EIF4G2: variants seen among roughly 807,000 people sequenced by gnomAD.
EIF4G2 encodes DAP-5.
A neutral mutation model predicts 117.7 loss-of-function variants in EIF4G2; 8 were observed. The observed-to-expected ratio is 0.07, with a 90% CI of 0.04 to 0.12. The LOEUF (loss-of-function observed/expected upper bound fraction) is 0.12, where lower values mean the gene tolerates loss of function less well. Ranked by LOEUF, EIF4G2 falls within the 10% of genes least tolerant of loss-of-function variation. The pLI, the probability that EIF4G2 is intolerant of heterozygous loss-of-function variation, is 1.00. For missense variants in EIF4G2, 812 were observed against 1,086.2 expected, an observed-to-expected ratio of 0.75 and a Z score of 3.55; for synonymous variants, 413 against 367.8, an observed-to-expected ratio of 1.12 and a Z score of -1.41.
Position 10,803,083 on chromosome 11 carries a change from A to G in EIF4G2, c.943T>C (p.Phe315Leu). ...ATCGTCTTTGGTCCATTGTCAAGAAAAGCCTTGCGAGGAACCCAATGGTGT... is the reference window on the plus strand; with the variant it reads ...ATCGTCTTTGGTCCATTGTCAAGAAGAGCCTTGCGAGGAACCCAATGGTGT... The change falls in exon 11 of 22, where the codon TTT becomes CTT. Residue 315 changes from phenylalanine (F) to leucine (L), a missense_variant. Physicochemically the swap from Phe to Leu is conservative, Grantham distance 22. This residue lies in a region of EIF4G2 where 154 missense variants were observed against 322.1 expected (regional missense o/e 0.48). Coordinates refer to ENST00000339995, the MANE Select transcript of EIF4G2 (RefSeq NM_001418.4). This position sits in a 1 kb window ranked among gnomAD's most constrained non-coding sequence, Gnocchi z 4.0. The G allele has an allele frequency of 6.2e-7, 1 of 1,611,088 alleles. No individual in the cohort carries two copies. Among genetic ancestry groups the G allele is most frequent in the Non-Finnish European group, 8.5e-7 (1 of 1,178,454 alleles).
chr11:10,806,795 C>T, intron 3 of EIF4G2, 25 bp downstream of exon 3: 1 of 1,611,622 alleles, frequency 6.2e-7, no homozygotes, highest in South Asian at 1.1e-5. Flanking sequence ...ATAAAGCTCA[C>T]TGTTTTTTTA....
rs747182877 is a variant in EIF4G2 at position 10,799,079 on chromosome 11, G to A, written c.2571C>T (p.Asp857=). The change falls in exon 21 of 22, where the codon GAC becomes GAT. Residue 857 remains aspartate, a synonymous_variant. Coordinates refer to ENST00000339995, the MANE Select transcript of EIF4G2 (RefSeq NM_001418.4). The stretch of plus-strand genomic sequence containing the variant: ...AAGCTTCTTCTTCAATAATTTCCAT[G>A]TCATAGAAGTGCACAAAAAAGCGAA... The A allele has an allele frequency of 1.8e-5, 28 of 1,590,448 alleles. No homozygotes were observed. Among genetic ancestry groups the A allele is most frequent in the East Asian group, 4.5e-5 (2 of 44,544 alleles).
chr11:10,801,468 T>A (rs574343976), intron 14 of EIF4G2, 193 bp downstream of exon 14: 2 of 741,418 alleles, frequency 2.7e-6, no homozygotes, highest in East Asian at 5.0e-5. Flanking sequence ...TTAGGAGACT[T>A]GCCCTCATAT....
intron 1 of EIF4G2, chr11:10,807,720 T>C (rs1847625020): frequency 1.0e-6 from 1 of 992,484 alleles, no homozygotes; most frequent in Non-Finnish European, 1.2e-6. Flanking sequence ...ACGTGGAAAA[T>C]GTCTGCCCTA....
In EIF4G2 at chr11:10,807,178, C is replaced by A; in HGVS notation, c.41+77G>T. ...AAATGAAAATTGCAGCCCATTAAGT[C>A]GGACTTATTTGCTGTGTTAACTACT... On this transcript the variant is annotated intron_variant, in intron 2 of 21. Coordinates refer to ENST00000339995, the MANE Select transcript of EIF4G2 (RefSeq NM_001418.4). 3 of 1,532,180 alleles carry A rather than the reference C, an allele frequency of 2.0e-6. No individual in the cohort carries two copies. The South Asian group carries it at 3.9e-5, about 20-fold the overall frequency. 94.9% of individuals were successfully genotyped at this position (1,532,180 alleles called of 1,614,324 possible). A position where few individuals can be genotyped will look rare whatever the true frequency, so the allele number is the denominator to read the frequency against.
intron 7 of EIF4G2, 26 bp from the exon 8 acceptor site, chr11:10,804,076 C>G (rs759638519): frequency 6.2e-7 from 1 of 1,612,506 alleles, no homozygotes; most frequent in Non-Finnish European, 8.5e-7. Flanking sequence ...ATGAAGTAAG[C>G]CAACATTCAG....
In EIF4G2 at chr11:10,799,681, T is replaced by G. The variant is rs1156576407; in HGVS notation, c.2195A>C (p.Lys732Thr). The G allele has an allele frequency of 6.2e-7, 1 of 1,614,032 alleles. No homozygotes were observed. Among genetic ancestry groups the G allele is most frequent in the Non-Finnish European group, 8.5e-7 (1 of 1,180,012 alleles). ...TTGCTTCAACAGTTCCTTCTCCAAT[T>G]TGAGGAGTGGGAATAAGAAACTCAG... The change falls in exon 19 of 22, where the codon AAA becomes ACA. Residue 732 changes from lysine to threonine, a missense_variant. Lys to Thr is a moderately conservative substitution (Grantham distance 78). Transcript: ENST00000339995.
rs1418789089 is a variant in EIF4G2 at position 10,797,668 on chromosome 11, T to G, written c.*148A>C. On this transcript the variant is annotated 3_prime_UTR_variant, in exon 22 of 22. Transcript: ENST00000339995. The surrounding 1 kb of genome is among the most constrained non-coding windows in gnomAD (Gnocchi z 4.5). ...AAGACATTACACTACAAAAAAACCT[T>G]ATGCAGAAGGAAATCCTAACTGACG... 1 of 803,288 alleles carries G rather than the reference T, an allele frequency of 1.2e-6. No individual in the cohort carries two copies. The highest frequency in any genetic ancestry group is 2.0e-6 in the Non-Finnish European group (1 of 492,974). 49.8% of individuals were successfully genotyped at this position (803,288 alleles called of 1,614,324 possible).
chr11:10,804,877 T>A (rs1332001092), intron 5 of EIF4G2, 36 bp downstream of exon 5: 1 of 1,542,586 alleles, frequency 6.5e-7, no homozygotes, highest in Non-Finnish European at 9.0e-7. Flanking sequence ...AACAGTTCCC[T>A]CTCCCTTTTG....
intron 2 of EIF4G2, 87 bp downstream of exon 2, chr11:10,807,168 C>T: frequency 6.6e-7 from 1 of 1,512,644 alleles, no homozygotes; most frequent in South Asian, 1.3e-5. Flanking sequence ...AAAATTGCAG[C>T]CCATTAAGTC....
chr11:10,804,918 G>A lies in EIF4G2; in HGVS notation c.346C>T (p.Leu116=). Residue 116 remains leucine, a synonymous_variant, in exon 5 of 22, where the codon CTG becomes TTG. Coordinates refer to ENST00000339995, the MANE Select transcript of EIF4G2 (RefSeq NM_001418.4). Reference sequence around the variant, plus strand: ...AGCCAATATTTAAAACTTACCAGCAGTATGACCCCTTTAAGGATGAGTTTA... The same window carrying A: ...AGCCAATATTTAAAACTTACCAGCAATATGACCCCTTTAAGGATGAGTTTA... 6.2e-7 allele frequency: 1 copy of A among 1,612,886 alleles called. No homozygotes were observed. The highest frequency in any genetic ancestry group is 8.5e-7 in the Non-Finnish European group (1 of 1,178,932).
intron 19 of EIF4G2, 55 bp downstream of exon 19, chr11:10,799,497 C>A: frequency 6.2e-7 from 1 of 1,608,996 alleles, no homozygotes; most frequent in Non-Finnish European, 8.5e-7. Flanking sequence ...TAGTCTCCTA[C>A]GCTTCTTTTC....
Position 10,803,166 on chromosome 11 carries a change from A to G in EIF4G2, c.898-38T>C. 6.2e-7 allele frequency: 1 copy of G among 1,606,902 alleles called. No homozygotes were observed. The highest frequency in any genetic ancestry group is 8.5e-7 in the Non-Finnish European group (1 of 1,177,548). On this transcript the variant is annotated intron_variant, in intron 10 of 21. Coordinates refer to ENST00000339995, the MANE Select transcript of EIF4G2 (RefSeq NM_001418.4). The surrounding 1 kb of genome is among the most constrained non-coding windows in gnomAD (Gnocchi z 4.0). ...AATAATTTTATTTTAATATTCCTAA[A>G]CCAAAAACTCAGCTTACCAACAAAT...
Position 10,800,175 on chromosome 11 carries a change from A to C in EIF4G2, c.2034T>G (p.Leu678=), listed in dbSNP as rs767114888. 11 of 1,614,084 alleles carry C rather than the reference A, an allele frequency of 6.8e-6. No individual in the cohort carries two copies. The highest frequency in any genetic ancestry group is 3.3e-5 in the Admixed American group (2 of 60,008). The change falls in exon 18 of 22, where the codon CTT becomes CTG. Residue 678 remains leucine (L), a synonymous_variant. Transcript: ENST00000339995. Reference sequence around the variant, plus strand: ...GATCTTGTAATTTAGCTAACTGCTGAAGACAAAGTAGGAAGAGAGGAAAAT... The same window carrying C: ...GATCTTGTAATTTAGCTAACTGCTGCAGACAAAGTAGGAAGAGAGGAAAAT...
rs1847447100 is a variant in EIF4G2, at chr11:10,802,369, G to A, written c.1063C>T (p.Pro355Ser). 1.2e-6 allele frequency: 2 copies of A among 1,613,938 alleles called. No individual in the cohort carries two copies. The highest frequency in any genetic ancestry group is 3.3e-5 in the Admixed American group (2 of 59,962). ...ATTTTCATCCTGGGTGGCATGAACG[G>A]TCCCTCCAGAAAGAAGTCACTTCTC... is the stretch of plus-strand genomic sequence containing the variant. Residue 355 changes from proline (P) to serine (S), a missense_variant, in exon 12 of 22, where the codon CCG (proline) becomes TCG (serine). Around this residue, in one of 4 missense-constraint regions of EIF4G2, gnomAD observed 571 missense variants for 642.3 expected, o/e 0.89. Transcript: ENST00000339995.
At position 10,797,822 on chromosome 11, in the gene EIF4G2, A is replaced by G; in HGVS notation, c.2718T>C (p.Ala906=). 6.2e-7 allele frequency: 1 copy of G among 1,614,030 alleles called. No individual in the cohort carries two copies. Among genetic ancestry groups the G allele is most frequent in the Non-Finnish European group, 8.5e-7 (1 of 1,179,986 alleles). Reference sequence around the variant, plus strand: ...TAAGGCTTTGGCTGGTTCTTTAGTCAGCTTCTTCCTCTGATTCTTCTTCTT... The same window carrying G: ...TAAGGCTTTGGCTGGTTCTTTAGTCGGCTTCTTCCTCTGATTCTTCTTCTT... Residue 906 remains alanine, a synonymous_variant, in exon 22 of 22, where the codon GCT becomes GCC. Coordinates refer to ENST00000339995, the MANE Select transcript of EIF4G2 (RefSeq NM_001418.4). The surrounding 1 kb of genome is among the most constrained non-coding windows in gnomAD (Gnocchi z 4.5).
rs756089723 is a variant in EIF4G2, at chr11:10,804,270, C to G, written c.483+17G>C. 5 of 1,612,626 alleles carry G rather than the reference C, an allele frequency of 3.1e-6. No individual in the cohort carries two copies. The highest frequency in any genetic ancestry group is 3.3e-5 in the Admixed American group (2 of 59,730). ...TCAAGTCAACTTTAAAACAAGCAAA[C>G]AAAAACTACCACTTACGGTGCTTTG... On this transcript the variant is annotated intron_variant, in intron 6 of 21. Coordinates refer to ENST00000339995, the MANE Select transcript of EIF4G2 (RefSeq NM_001418.4).
chr11:10,798,804 C>A, intron 21 of EIF4G2, 188 bp downstream of exon 21: 1 of 691,422 alleles, frequency 1.4e-6, no homozygotes, highest in Non-Finnish European at 2.3e-6. Context: ...TTATACACCA[C>A]TAGAATTGAT....
chr11:10,803,787 A>C lies in EIF4G2; in HGVS notation c.702+112T>G. The C allele has an allele frequency of 1.5e-6, 2 of 1,356,396 alleles. No individual in the cohort carries two copies. Among genetic ancestry groups the C allele is most frequent in the Non-Finnish European group, 2.0e-6 (2 of 988,824 alleles). The allele number at this position is 1,356,396 out of a possible 1,614,324, so 84.0% of individuals were successfully genotyped here. On this transcript the variant is annotated intron_variant, in intron 8 of 21. Coordinates refer to ENST00000339995, the MANE Select transcript of EIF4G2 (RefSeq NM_001418.4). The surrounding 1 kb of genome is among the most constrained non-coding windows in gnomAD (Gnocchi z 4.0). ...CGTATTTCAAATTATTCTGTTTAGT[A>C]AATTTTGTTGCACATCTGTATTTAA...
Sources: allele counts gnomAD v4.1 joint callset, GRCh38; gene constraint gnomAD v4.1.1; regional missense constraint gnomAD v4.1.1; non-coding constraint Gnocchi (gnomAD v3.1); transcripts MANE v1.5; gene names NCBI Gene and HGNC (gene_info 2026-07-23, HGNC 2026-07-21).